Variants in KLHL2 observed in about 807,000 individuals in gnomAD.
KLHL2 encodes kelch like family member 2, also known as kelch-like protein 2.
Under a neutral mutation model 75.8 loss-of-function variants are expected in KLHL2, and 15 were observed. That is an observed-to-expected ratio of 0.20 (90% confidence interval 0.13 to 0.30). KLHL2 has a LOEUF of 0.30. Among genes scored for constraint, KLHL2 ranks in the 10% least tolerant of loss-of-function variants. KLHL2 has a pLI of 1.00. For missense variants in KLHL2, 381 were observed against 741.0 expected, an observed-to-expected ratio of 0.51 and a Z score of 5.64; for synonymous variants, 214 against 251.9, an observed-to-expected ratio of 0.85 and a Z score of 1.42.
At chr4:165,239,185 G>A (rs1739602632) in intron 4 of KLHL2, among the ~76,000 whole-genome samples, 1 of 151,248 alleles carries the variant, frequency 6.6e-6, no homozygotes, top group African/African-American at 2.4e-5. Flanking sequence ...GATTGATGCT[G>A]CCCACAATTT....
intron 5 of KLHL2, among the ~76,000 whole-genome samples, chr4:165,291,196 A>G (rs1744477876): frequency 2.0e-5 from 3 of 151,918 alleles, no homozygotes; most frequent in African/African-American, 7.3e-5. Flanking sequence ...TTTCTTCTTG[A>G]CCTTTAAGTG....
chr4:165,208,416 T>C (rs1187476112), intron 1 of KLHL2: 1 of 152,242 alleles, frequency 6.6e-6, no homozygotes, highest in East Asian at 1.9e-4. Flanking sequence ...CGGCGGCCGT[T>C]CAGGGCATGT....
rs766295944 is a variant in KLHL2, at chr4:165,278,653, C to T, written c.544+15294C>T. ...TTATAATTCCAAGATTGTCTCTTAG[C>T]CAGCGAATAACAGCACCAGCTATAG... On this transcript the variant is annotated intron_variant, in intron 5 of 14. Transcript: ENST00000226725. The T allele has an allele frequency of 4.9e-5, 79 of 1,596,816 alleles. No homozygotes were observed. In the Admixed American group the frequency reaches 1.3e-3, roughly 26 times the overall value.
chr4:165,317,905 T>C lies in KLHL2; in HGVS notation c.1689T>C (p.Tyr563=). ...GTAACTTGGCGTCAGTAGAATATTA[T>C]AACCCAACAACCGATAAATGGACAG... is the stretch of plus-strand genomic sequence containing the variant. The part of the protein sequence containing the change: ...GSCNLASVEY[Y]NPTTDKWTVV... Residue 563 remains tyrosine, a synonymous_variant, in exon 14 of 15, where the codon TAT becomes TAC. Coordinates refer to ENST00000226725, the MANE Select transcript of KLHL2 (RefSeq NM_007246.4). 1.2e-6 allele frequency: 2 copies of C among 1,614,014 alleles called. No homozygotes were observed. The highest frequency in any genetic ancestry group is 1.7e-6 in the Non-Finnish European group (2 of 1,179,868).
chr4:165,263,802 ATT>A (rs1397833880), intron 5 of KLHL2, among the ~76,000 whole-genome samples: 11 of 93,532 alleles, frequency 1.2e-4, no homozygotes, highest in African/African-American at 3.9e-4. Context: ...GATTTTTTAC[ATT>A]GTTTTTTTTT....
intron 3 of KLHL2, among the ~76,000 whole-genome samples, chr4:165,233,949 C>G (rs1739119171): frequency 6.6e-6 from 1 of 152,216 alleles, no homozygotes; most frequent in South Asian, 2.1e-4. Flanking sequence ...GAATCTTCTT[C>G]TGTCTCTCTA....
chr4:165,210,077 T>C, intron 1 of KLHL2: 1 of 1,551,498 alleles, frequency 6.4e-7, no homozygotes, highest in South Asian at 1.2e-5. Flanking sequence ...ACTCAGCTTT[T>C]CATGAAGTTA....
chr4:165,294,402 T>A lies in KLHL2; in HGVS notation c.588T>A (p.Asn196Lys), dbSNP rs1744752176. ...TTGTACTTAGTGAAGAATTTCTCAATCTTGGCATCGAACAAGTGTGCAGCT... is the reference window on the plus strand; with the variant it reads ...TTGTACTTAGTGAAGAATTTCTCAAACTTGGCATCGAACAAGTGTGCAGCT... ...ADVVLSEEFL[N>K]LGIEQVCSLI... The change falls in exon 6 of 15, where the codon AAT becomes AAA. Residue 196 changes from asparagine to lysine, a missense_variant. Coordinates refer to ENST00000226725, the MANE Select transcript of KLHL2 (RefSeq NM_007246.4). 2 of 1,612,412 alleles carry A rather than the reference T, an allele frequency of 1.2e-6. No homozygotes were observed. The highest frequency in any genetic ancestry group is 2.7e-5 in the African/African-American group (2 of 75,014).
chr4:165,291,031 C>A (rs1487853330), intron 5 of KLHL2, among the ~76,000 whole-genome samples: 1 of 152,150 alleles, frequency 6.6e-6, no homozygotes, highest in Admixed American at 6.5e-5. Context: ...CTGATAGATA[C>A]GTAAATGGTA....
At chr4:165,318,176 A>C (rs1746718279) in intron 14 of KLHL2, among the ~76,000 whole-genome samples, 1 of 152,186 alleles carries the variant, frequency 6.6e-6, no homozygotes, top group Non-Finnish European at 1.5e-5. Context: ...TTGTATTCAA[A>C]ATCCCAAATC....
chr4:165,272,516 T>C (rs912478986), intron 5 of KLHL2, among the ~76,000 whole-genome samples: 4 of 152,256 alleles, frequency 2.6e-5, no homozygotes, highest in African/African-American at 9.6e-5. Context: ...ACAATCACTA[T>C]TTAACCTTTT....
Position 165,310,632 on chromosome 4 carries a change from C to T in KLHL2, c.1119C>T (p.Tyr373=), listed in dbSNP as rs376851950. The T allele has an allele frequency of 2.5e-5, 40 of 1,613,932 alleles. No homozygotes were observed. The highest frequency in any genetic ancestry group is 4.4e-5 in the South Asian group (4 of 91,090). ...GSLRVRTVDS[Y]DPVKDQWTSV... The stretch of plus-strand genomic sequence containing the variant: ...TAAGAGTTCGCACTGTAGATTCCTA[C>T]GACCCTGTGAAGGACCAGTGGACCA... Residue 373 remains tyrosine (Y), a synonymous_variant, in exon 10 of 15, where the codon TAC becomes TAT. Coordinates refer to ENST00000226725, the MANE Select transcript of KLHL2 (RefSeq NM_007246.4).
At chr4:165,253,152 A>G (rs1349145696) in intron 4 of KLHL2, among the ~76,000 whole-genome samples, 1 of 152,090 alleles carries the variant, frequency 6.6e-6, no homozygotes, top group Non-Finnish European at 1.5e-5. Context: ...CTCTTGCCCC[A>G]GCCTCCTGAG....
chr4:165,221,985 G>A (rs1381850284), intron 2 of KLHL2, among the ~76,000 whole-genome samples: 2 of 152,048 alleles, frequency 1.3e-5, no homozygotes, highest in Admixed American at 1.3e-4. Context: ...TCTTTGAGAA[G>A]TCTAAAAAGA....
At chr4:165,267,781 G>A (rs1297036049) in intron 5 of KLHL2, among the ~76,000 whole-genome samples, 1 of 152,022 alleles carries the variant, frequency 6.6e-6, no homozygotes, top group African/African-American at 2.4e-5. Context: ...CTCTTTTTTT[G>A]TTGTTTCTCT....
At chr4:165,225,849 G>C (rs755728325) in intron 2 of KLHL2, among the ~76,000 whole-genome samples, 41 of 152,144 alleles carry the variant, frequency 2.7e-4, no homozygotes, top group Non-Finnish European at 4.9e-4. Flanking sequence ...AATTTGTAAA[G>C]TGTCTCTGAG....
intron 3 of KLHL2, among the ~76,000 whole-genome samples, chr4:165,231,861 T>C (rs1738921010): frequency 6.6e-6 from 1 of 152,250 alleles, no homozygotes; most frequent in African/African-American, 2.4e-5. Flanking sequence ...TGTACCATTT[T>C]ACATTCCTAC....
chr4:165,279,497 T>C (rs1288608280), intron 5 of KLHL2: 2 of 1,574,334 alleles, frequency 1.3e-6, no homozygotes, highest in African/African-American at 2.7e-5. Flanking sequence ...CACCCATCCT[T>C]CTCTTGGGAA....
At position 165,270,965 on chromosome 4, in the gene KLHL2, A is replaced by G. The variant is rs182670646; in HGVS notation, c.544+7606A>G. Among the ~76,000 whole-genome samples the G allele has an allele frequency of 4.4e-3, 666 of 152,154 alleles. 1 individual carries two copies. Among genetic ancestry groups the G allele is most frequent in the Non-Finnish European group, 7.2e-3 (490 of 67,986 alleles). ...GAAGATCAGTTGTTTGTAAATATTT[A>G]CTTTATTTCTGGGTTCTCTATTCTG... On this transcript the variant is annotated intron_variant, in intron 5 of 14. Coordinates refer to ENST00000226725, the MANE Select transcript of KLHL2 (RefSeq NM_007246.4).
Sources: allele counts gnomAD v4.1 joint callset (sites outside exome capture counted in the v4.1 genomes callset), GRCh38; gene constraint gnomAD v4.1.1; transcripts MANE v1.5; gene names NCBI Gene and HGNC (gene_info 2026-07-23, HGNC 2026-07-21).